CNTN5: variants seen among roughly 807,000 people sequenced by gnomAD.
The protein encoded by CNTN5 is contactin 5.
A neutral mutation model predicts 129.1 loss-of-function variants in CNTN5; 77 were observed. The observed-to-expected ratio is 0.60, with a 90% CI of 0.50 to 0.72. The LOEUF is 0.72. Ranked by LOEUF, CNTN5 falls within the 30% of genes least tolerant of loss-of-function variation. The probability of loss-of-function intolerance (pLI) is 0.00; values close to 1 mark genes in which losing one functional copy is unlikely to be tolerated. For synonymous variants in CNTN5, 509 were observed against 465.6 expected, an observed-to-expected ratio of 1.09 and a Z score of -1.20; for missense variants, 1,478 against 1,328.8, an observed-to-expected ratio of 1.11 and a Z score of -1.75.
At chr11:99,484,012 T>C (rs1945708317) in intron 2 of CNTN5, among the ~76,000 whole-genome samples, 2 of 152,038 alleles carry the variant, frequency 1.3e-5, no homozygotes, top group South Asian at 4.1e-4. Context: ...GATTTGATGA[T>C]AAGACCTCAA....
chr11:99,370,903 C>T (rs1939779403), intron 2 of CNTN5, among the ~76,000 whole-genome samples: 1 of 152,162 alleles, frequency 6.6e-6, no homozygotes, highest in Non-Finnish European at 1.5e-5. Context: ...CTTTGTTTCC[C>T]TACTCATTCT....
intron 2 of CNTN5, among the ~76,000 whole-genome samples, chr11:99,520,255 A>G (rs559516951): frequency 6.6e-6 from 1 of 152,264 alleles, no homozygotes; most frequent in Admixed American, 6.5e-5. Context: ...TAGCTTAGAA[A>G]ACATCTAACC....
intron 18 of CNTN5, among the ~76,000 whole-genome samples, chr11:100,281,051 G>A (rs1018239488): frequency 6.6e-6 from 1 of 151,920 alleles, no homozygotes; most frequent in Non-Finnish European, 1.5e-5. Flanking sequence ...CTATGTATTT[G>A]AATGTTGTTG....
intron 2 of CNTN5, among the ~76,000 whole-genome samples, chr11:99,475,848 T>C (rs1305485624): frequency 1.3e-5 from 2 of 152,034 alleles, no homozygotes; most frequent in Non-Finnish European, 2.9e-5. Flanking sequence ...ATGCTTGAAA[T>C]TAAGTTCCCA....
chr11:99,270,980 A>G (rs1863141863), intron 1 of CNTN5, among the ~76,000 whole-genome samples: 2 of 151,994 alleles, frequency 1.3e-5, no homozygotes, highest in South Asian at 4.1e-4. Context: ...TCCATGAAGC[A>G]AAAGAATCAT....
At chr11:99,288,916 A>T (rs1017567139) in intron 1 of CNTN5, among the ~76,000 whole-genome samples, 1 of 151,878 alleles carries the variant, frequency 6.6e-6, no homozygotes, top group Non-Finnish European at 1.5e-5. Flanking sequence ...GTATAGAAGC[A>T]TCTTTACTGG....
intron 1 of CNTN5, among the ~76,000 whole-genome samples, chr11:99,124,936 C>T (rs1858543951): frequency 6.6e-6 from 1 of 151,784 alleles, no homozygotes. Context: ...ATGTCTTAAC[C>T]AACCAGTAAT....
chr11:100,077,080 A>C (rs781666676), intron 13 of CNTN5, among the ~76,000 whole-genome samples: 7 of 152,164 alleles, frequency 4.6e-5, no homozygotes, highest in African/African-American at 7.2e-5. Context: ...CTTTAAAAGA[A>C]GTCTCAGTTA....
At chr11:99,142,819 C>T (rs530178920) in intron 1 of CNTN5, among the ~76,000 whole-genome samples, 2 of 152,176 alleles carry the variant, frequency 1.3e-5, no homozygotes, top group Admixed American at 6.5e-5. Context: ...CACAAGTGTT[C>T]GTGGGACTCG....
chr11:99,523,067 G>A (rs1343946597), intron 2 of CNTN5, among the ~76,000 whole-genome samples: 3 of 152,104 alleles, frequency 2.0e-5, no homozygotes, highest in Non-Finnish European at 2.9e-5. Context: ...CAAGCCATAG[G>A]CAATTATCTA....
chr11:99,599,727 T>G (rs1247704760), intron 3 of CNTN5, among the ~76,000 whole-genome samples: 3 of 152,176 alleles, frequency 2.0e-5, no homozygotes, highest in Non-Finnish European at 2.9e-5. Flanking sequence ...AATGCATCAA[T>G]GACATAATAA....
At chr11:99,380,043 C>T (rs1448546045) in intron 2 of CNTN5, among the ~76,000 whole-genome samples, 2 of 151,478 alleles carry the variant, frequency 1.3e-5, no homozygotes, top group East Asian at 3.9e-4. Flanking sequence ...TGGTCAACAA[C>T]AAATCCCGTA....
chr11:99,139,760 A>C (rs1427575884), intron 1 of CNTN5, among the ~76,000 whole-genome samples: 2 of 152,194 alleles, frequency 1.3e-5, no homozygotes, highest in African/African-American at 4.8e-5. Flanking sequence ...CAAATATTTG[A>C]CAATTATGCT....
intron 3 of CNTN5, among the ~76,000 whole-genome samples, chr11:99,731,172 G>A (rs991183426): frequency 1.3e-5 from 2 of 151,636 alleles, no homozygotes; most frequent in African/African-American, 4.8e-5. Flanking sequence ...GCAGTGGCGC[G>A]ATCTCGGCTC....
intron 1 of CNTN5, among the ~76,000 whole-genome samples, chr11:99,052,171 T>G (rs1864453074): frequency 6.6e-6 from 1 of 151,830 alleles, no homozygotes; most frequent in Admixed American, 6.6e-5. Context: ...TGTTACATAT[T>G]AATGGTATAA....
At chr11:99,959,917 T>G (rs1204314067) in intron 8 of CNTN5, among the ~76,000 whole-genome samples, 1 of 144,968 alleles carries the variant, frequency 6.9e-6, no homozygotes, top group African/African-American at 2.7e-5. Flanking sequence ...TTCTCGGCTT[T>G]TATTTGTCCA....
intron 3 of CNTN5, among the ~76,000 whole-genome samples, chr11:99,764,433 G>C (rs531571517): frequency 8.3e-4 from 126 of 151,854 alleles, no homozygotes; most frequent in Middle Eastern, 6.8e-3. Context: ...TTTTGTTTTT[G>C]AGATGGAGTT....
intron 3 of CNTN5, among the ~76,000 whole-genome samples, chr11:99,613,293 C>G (rs1318127803): frequency 1.3e-5 from 2 of 152,104 alleles, no homozygotes; most frequent in South Asian, 2.1e-4. Context: ...CTCATGAGAT[C>G]TGATGGTTTT....
intron 13 of CNTN5, among the ~76,000 whole-genome samples, chr11:100,152,579 T>C (rs1947103479): frequency 6.6e-6 from 1 of 152,110 alleles, no homozygotes; most frequent in Admixed American, 6.6e-5. Flanking sequence ...TATTCATTGA[T>C]TGATTGAAAA....
Sources: gnomAD v4.1 joint callset for allele counts (sites outside exome capture counted in the v4.1 genomes callset) on GRCh38, gnomAD v4.1.1 for gene constraint, MANE v1.5 for transcripts, NCBI Gene and HGNC (gene_info 2026-07-23, HGNC 2026-07-21) for gene names.